The following DYDC2 variants were observed in gnomAD, a reference collection of about 807,000 sequenced individuals.
The protein encoded by DYDC2 is DPY30 domain-containing protein 2.
In DYDC2, 19 loss-of-function variants were observed where a neutral mutation model predicts 18.7. The observed-to-expected ratio is 1.02, with a 90% CI of 0.71 to 1.49. The LOEUF (loss-of-function observed/expected upper bound fraction) is 1.49, where lower values mean the gene tolerates loss of function less well. Ranked by LOEUF, DYDC2 falls within the 40% of genes most tolerant of loss-of-function variation. The pLI is 0.00. For synonymous variants in DYDC2, 63 were observed against 67.6 expected, an observed-to-expected ratio of 0.93 and a Z score of 0.34; for missense variants, 179 against 205.1, an observed-to-expected ratio of 0.87 and a Z score of 0.78.
At chr10:80,359,050 C>G (rs1049738412) in intron 2 of DYDC2, among the ~76,000 whole-genome samples, 1 of 152,158 alleles carries the variant, frequency 6.6e-6, no homozygotes, top group African/African-American at 2.4e-5. Context: ...GAAGGGAACC[C>G]AGAGCAGGTT....
At chr10:80,363,651 A>G (rs1843736942) in intron 4 of DYDC2, among the ~76,000 whole-genome samples, 2 of 152,042 alleles carry the variant, frequency 1.3e-5, no homozygotes, top group African/African-American at 2.4e-5. Flanking sequence ...CCCAGCCAAA[A>G]AATCTGATTT....
At chr10:80,348,788 A>G (rs776231356) in intron 1 of DYDC2, among the ~76,000 whole-genome samples, 1 of 152,272 alleles carries the variant, frequency 6.6e-6, no homozygotes, top group East Asian at 1.9e-4. Flanking sequence ...TGCTTAATTT[A>G]AATTATACAC....
chr10:80,351,132 A>C (rs1842950728), intron 1 of DYDC2, among the ~76,000 whole-genome samples: 1 of 152,054 alleles, frequency 6.6e-6, no homozygotes, highest in Non-Finnish European at 1.5e-5. Context: ...CTCTGCCCAC[A>C]CCTCCTACCT....
chr10:80,352,230 A>G (rs1481477599), upstream of DYDC2, among the ~76,000 whole-genome samples: 4 of 152,326 alleles, frequency 2.6e-5, no homozygotes, highest in South Asian at 8.3e-4. Context: ...GTAAATCTAT[A>G]AATCTATAGA....
chr10:80,362,467 G>A lies in DYDC2; in HGVS notation c.24G>A (p.Arg8=), dbSNP rs189388455. The A allele has an allele frequency of 1.2e-6, 2 of 1,613,892 alleles. No individual in the cohort carries two copies. Among genetic ancestry groups the A allele is most frequent in the East Asian group, 2.2e-5 (1 of 44,880 alleles). The change falls in exon 3 of 5, where the codon AGG becomes AGA. Residue 8 remains arginine (R), a synonymous_variant. Coordinates refer to ENST00000256039, the MANE Select transcript of DYDC2 (RefSeq NM_032372.6). ...GGATGGAAACTAACTACCTGAAGAG[G>A]TGCTTTGGAAATTGCCTGGCCCAGG... METNYLK[R]CFGNCLAQAL...
chr10:80,358,561 A>G (rs143859824), intron 2 of DYDC2, among the ~76,000 whole-genome samples: 220 of 152,286 alleles, frequency 1.4e-3, no homozygotes, highest in African/African-American at 4.5e-3. Flanking sequence ...ACGGCTTGCC[A>G]CATGTAACCA....
chr10:80,349,194 A>T (rs1361288731), intron 1 of DYDC2, among the ~76,000 whole-genome samples: 3 of 152,224 alleles, frequency 2.0e-5, no homozygotes, highest in African/African-American at 7.2e-5. Context: ...CCCGGCCCGC[A>T]GATAAATATT....
chr10:80,365,973 C>T (rs1280806518), intron 4 of DYDC2, among the ~76,000 whole-genome samples: 2 of 150,496 alleles, frequency 1.3e-5, no homozygotes, highest in Admixed American at 1.3e-4. Context: ...TTTATAATAG[C>T]TGTCCTTGTC....
At chr10:80,352,720 TG>T, upstream of DYDC2, 1 of 1,306,798 alleles carries the variant, frequency 7.7e-7, no homozygotes, top group Non-Finnish European at 9.8e-7. Flanking sequence ...CCCTCAGTCA[TG>T]GACACCTCCC....
chr10:80,351,633 T>A (rs77826237), intron 1 of DYDC2, among the ~76,000 whole-genome samples: 2,518 of 152,276 alleles, frequency 0.017, 74 homozygotes, highest in African/African-American at 0.058. Flanking sequence ...CACTCTGTAT[T>A]TTCCTCTTAC....
intron 1 of DYDC2, among the ~76,000 whole-genome samples, chr10:80,345,067 T>A (rs995239181): frequency 5.1e-4 from 77 of 152,270 alleles, no homozygotes; most frequent in South Asian, 6.2e-4. Flanking sequence ...GAAAATAGTG[T>A]TTAAAGCCGG....
At chr10:80,356,701 G>A (rs1843390254), upstream of DYDC2, 1 of 984,494 alleles carries the variant, frequency 1.0e-6, no homozygotes, top group South Asian at 4.7e-5. Flanking sequence ...GGGCCTTTCC[G>A]GTGCGCTCAC....
In DYDC2 at chr10:80,358,035, T is replaced by TC; in HGVS notation, c.-14dup. ...CTGGGAAACACTGAAAAATAGCCTC[T>TC]CCCCCCATTGGTGAGTGTACCCTAA... On this transcript the variant is annotated 5_prime_UTR_variant, in exon 2 of 5. Coordinates refer to ENST00000256039, the MANE Select transcript of DYDC2 (RefSeq NM_032372.6). 1 of 984,128 alleles carries TC rather than the reference T, an allele frequency of 1.0e-6. No homozygotes were observed. The allele number at this position is 984,128 out of a possible 1,614,324, so 61.0% of individuals were successfully genotyped here. A position where few individuals can be genotyped will look rare whatever the true frequency, so the allele number is the denominator to read the frequency against.
At position 80,364,282 on chromosome 10, in the gene DYDC2, C is replaced by A. The variant is rs530423150; in HGVS notation, c.270+1209C>A. On this transcript the variant is annotated intron_variant, in intron 4 of 4. Transcript: ENST00000256039. ...AATTAAATCAAAAGATAGTTTCATT[C>A]TATTGTTTGACAATAGTCTAAAGGA... Among the ~76,000 whole-genome samples the A allele has an allele frequency of 1.6e-4, 24 of 152,268 alleles. 1 individual carries two copies. Among genetic ancestry groups the A allele is most frequent in the Middle Eastern group, 3.4e-3 (1 of 294 alleles).
chr10:80,347,267 A>T (rs1290898515), intron 1 of DYDC2, among the ~76,000 whole-genome samples: 4 of 84,980 alleles, frequency 4.7e-5, no homozygotes, highest in Non-Finnish European at 4.9e-5. Context: ...CCATTTTTTA[A>T]TTGGGATCCT....
In DYDC2 at chr10:80,350,227, G is replaced by A. The variant is rs567343600; in HGVS notation, c.-310+5412G>A. Among the ~76,000 whole-genome samples, 6 of 152,210 alleles carry A rather than the reference G, an allele frequency of 3.9e-5. No homozygotes were observed. In the South Asian group the frequency reaches 6.2e-4, roughly 16 times the overall value. On this transcript the variant is annotated intron_variant, in intron 1 of 4. Transcript: ENST00000372197. ...AATGCACAGTGGATTAGTTCATACCGGTCAACATAATATGGCTAGAGAAAC... is the reference window on the plus strand; with the variant it reads ...AATGCACAGTGGATTAGTTCATACCAGTCAACATAATATGGCTAGAGAAAC...
At chr10:80,347,276 C>CTTTTTTTTTTTTTTTTTTT (rs556362145) in intron 1 of DYDC2, among the ~76,000 whole-genome samples, 2 of 90,124 alleles carry the variant, frequency 2.2e-5, no homozygotes, top group Non-Finnish European at 4.3e-5. Context: ...AATTGGGATC[C>CTTTTTTTTTTTTTTTTTTT]TTTTTTTTTT....
At chr10:80,345,211 T>C (rs1360258567) in intron 1 of DYDC2, among the ~76,000 whole-genome samples, 1 of 152,206 alleles carries the variant, frequency 6.6e-6, no homozygotes, top group Non-Finnish European at 1.5e-5. Context: ...CTGTGAATTT[T>C]TGTCAGAAAC....
At chr10:80,363,154 C>A (rs1014934699) in intron 4 of DYDC2, 81 bp downstream of exon 4, 3 of 1,445,634 alleles carry the variant, frequency 2.1e-6, no homozygotes, top group South Asian at 1.5e-5. Context: ...AGCCCAGTCC[C>A]AATCCAAGGC....
Sources: allele counts gnomAD v4.1 joint callset (sites outside exome capture counted in the v4.1 genomes callset), GRCh38; gene constraint gnomAD v4.1.1; transcripts MANE v1.5; gene names NCBI Gene and HGNC (gene_info 2026-07-23, HGNC 2026-07-21).